SEMA4D: variants seen among roughly 807,000 people sequenced by gnomAD.
SEMA4D encodes semaphorin-4D.
A neutral mutation model predicts 74.8 loss-of-function variants in SEMA4D; 22 were observed. The observed-to-expected ratio is 0.29, with a 90% CI of 0.21 to 0.42. The LOEUF is 0.42. Among genes scored for constraint, SEMA4D ranks in the 10% least tolerant of loss-of-function variants. The probability of loss-of-function intolerance (pLI) is 1.00; values close to 1 mark genes in which losing one functional copy is unlikely to be tolerated. For missense variants in SEMA4D, 937 were observed against 1,118.4 expected, an observed-to-expected ratio of 0.84 and a Z score of 2.31; for synonymous variants, 445 against 463.7, an observed-to-expected ratio of 0.96 and a Z score of 0.52.
chr9:89,464,192 G>A (rs145246936), intron 1 of SEMA4D, among the ~76,000 whole-genome samples: 3 of 152,114 alleles, frequency 2.0e-5, no homozygotes, highest in East Asian at 1.9e-4. Flanking sequence ...GATGCACTAC[G>A]CTCTCAGGGA....
At chr9:89,371,615 G>A (rs576621348) in intron 16 of SEMA4D, among the ~76,000 whole-genome samples, 1 of 93,314 alleles carries the variant, frequency 1.1e-5, no homozygotes. Context: ...GGTGTGTGTC[G>A]GGTGTGTGTG....
chr9:89,478,846 G>A (rs1862444914), intron 1 of SEMA4D, among the ~76,000 whole-genome samples: 2 of 143,012 alleles, frequency 1.4e-5, no homozygotes, highest in South Asian at 2.1e-4. Flanking sequence ...CTGCTGCTGT[G>A]TTGCATGTTA....
At chr9:89,466,239 CCT>C (rs537519229) in intron 1 of SEMA4D, among the ~76,000 whole-genome samples, 205 of 152,262 alleles carry the variant, frequency 1.3e-3, no homozygotes, top group African/African-American at 4.6e-3. Flanking sequence ...CATAATTTCC[CCT>C]GACTTGTACA....
At chr9:89,395,285 C>T (rs1840698945) in intron 6 of SEMA4D, among the ~76,000 whole-genome samples, 1 of 152,030 alleles carries the variant, frequency 6.6e-6, no homozygotes, top group African/African-American at 2.4e-5. Flanking sequence ...ATTAGCCAGA[C>T]GTGGTGGCAC....
rs562893283 is a variant in SEMA4D, at chr9:89,480,564, T to G, written c.-310+17355A>C. Reference sequence around the variant, plus strand: ...GCTGCAGGTCCCGAGCCCTGCCCCGTGGGAAGGCAGTCAAGGCCCGGTGAG... The same window carrying G: ...GCTGCAGGTCCCGAGCCCTGCCCCGGGGGAAGGCAGTCAAGGCCCGGTGAG... On this transcript the variant is annotated intron_variant, in intron 1 of 15. Coordinates refer to ENST00000422704, the MANE Select transcript of SEMA4D (RefSeq NM_001371194.2). Among the ~76,000 whole-genome samples the G allele has an allele frequency of 3.8e-3, 584 of 152,214 alleles. 5 individuals are homozygous for G. Among genetic ancestry groups the G allele is most frequent in the African/African-American group, 0.013 (545 of 41,518 alleles).
chr9:89,362,140 T>TG, exon 19 of SEMA4D: 1 of 587,656 alleles, frequency 1.7e-6, no homozygotes, highest in Non-Finnish European at 3.0e-6. Flanking sequence ...GTTACCTGCT[T>TG]GTGCCAGACA....
intron 18 of SEMA4D, among the ~76,000 whole-genome samples, chr9:89,363,259 G>T (rs969055128): frequency 6.9e-6 from 1 of 144,810 alleles, no homozygotes; most frequent in Non-Finnish European, 1.5e-5. Flanking sequence ...GCAACAAGAC[G>T]TGGGATTTCC....
intron 1 of SEMA4D, among the ~76,000 whole-genome samples, chr9:89,458,730 TAC>T (rs984271728): frequency 1.8e-4 from 28 of 151,544 alleles, no homozygotes; most frequent in Middle Eastern, 6.8e-3. Context: ...CGCACATCCA[TAC>T]ACACTCATGC....
chr9:89,480,620 T>A (rs1448821130), intron 1 of SEMA4D, among the ~76,000 whole-genome samples: 1 of 152,230 alleles, frequency 6.6e-6, no homozygotes. Context: ...GGGCCAGCAC[T>A]GCTGGGGGAC....
intron 2 of SEMA4D, chr9:89,450,372 C>T (rs1331654750): frequency 1.9e-6 from 2 of 1,028,888 alleles, no homozygotes; most frequent in South Asian, 1.3e-5. Context: ...CATGAAAAGG[C>T]GTTTTGATGC....
intron 1 of SEMA4D, among the ~76,000 whole-genome samples, chr9:89,488,843 C>T (rs890075681): frequency 3.3e-5 from 5 of 152,026 alleles, no homozygotes; most frequent in African/African-American, 9.7e-5. Context: ...AAAGATATAA[C>T]GGATAAAAAG....
At chr9:89,386,190 C>G in intron 13 of SEMA4D, 177 bp downstream of exon 13, 1 of 631,766 alleles carries the variant, frequency 1.6e-6, no homozygotes, top group Middle Eastern at 8.1e-4. Context: ...TTCCCCAATT[C>G]AGATCCCACA....
intron 13 of SEMA4D, among the ~76,000 whole-genome samples, chr9:89,383,363 G>A (rs1837626751): frequency 6.6e-6 from 1 of 152,180 alleles, no homozygotes; most frequent in African/African-American, 2.4e-5. Context: ...TCATCACGCT[G>A]GTGCGAGTCA....
intron 1 of SEMA4D, among the ~76,000 whole-genome samples, chr9:89,489,703 A>G (rs900494597): frequency 2.6e-5 from 4 of 152,240 alleles, no homozygotes; most frequent in African/African-American, 9.6e-5. Flanking sequence ...TTTATGGCTG[A>G]ATCATAGGCC....
chr9:89,399,975 T>C (rs1841817073), intron 4 of SEMA4D, among the ~76,000 whole-genome samples: 3 of 123,328 alleles, frequency 2.4e-5, no homozygotes. Flanking sequence ...TCCAGCCTCG[T>C]GTGCCTGGGC....
chr9:89,364,347 G>C (rs968098972), intron 16 of SEMA4D: 3 of 307,428 alleles, frequency 9.8e-6, no homozygotes, highest in Non-Finnish European at 1.9e-5. Context: ...ACATCCCAAG[G>C]CTCTGCCATC....
intron 2 of SEMA4D, among the ~76,000 whole-genome samples, chr9:89,452,631 G>A (rs1854878469): frequency 6.6e-6 from 1 of 151,832 alleles, no homozygotes; most frequent in Non-Finnish European, 1.5e-5. Flanking sequence ...TTTGTATTTT[G>A]AGTAGAGATG....
At chr9:89,404,475 A>G (rs1842843161) in intron 3 of SEMA4D, among the ~76,000 whole-genome samples, 1 of 152,204 alleles carries the variant, frequency 6.6e-6, no homozygotes, top group South Asian at 2.1e-4. Context: ...CTCAGAGCAG[A>G]GAATCCAACA....
At chr9:89,452,969 G>T (rs1812279956) in intron 2 of SEMA4D, among the ~76,000 whole-genome samples, 1 of 152,214 alleles carries the variant, frequency 6.6e-6, no homozygotes, top group African/African-American at 2.4e-5. Context: ...GCCTCACAGG[G>T]CTGCAGCAGA....
Sources: allele counts gnomAD v4.1 joint callset (sites outside exome capture counted in the v4.1 genomes callset), GRCh38; gene constraint gnomAD v4.1.1; transcripts MANE v1.5; gene names NCBI Gene and HGNC (gene_info 2026-07-23, HGNC 2026-07-21).